Variants in MBP observed in about 807,000 individuals in gnomAD.
The protein encoded by MBP is Golli-MBP.
A neutral mutation model predicts 35.8 loss-of-function variants in MBP; 16 were observed. That is an observed-to-expected ratio of 0.45 (90% confidence interval 0.30 to 0.68). The LOEUF is 0.68. MBP is among the 30% of genes least tolerant of loss of function. The pLI is 0.08. For synonymous variants in MBP, 143 were observed against 159.6 expected (o/e 0.90, Z 0.78); for missense variants, 380 against 404.7 (o/e 0.94, Z 0.52).
intron 1 of MBP, among the ~76,000 whole-genome samples, chr18:77,120,118 T>C (rs562854500): frequency 6.6e-6 from 1 of 152,324 alleles, no homozygotes; most frequent in East Asian, 1.9e-4. Flanking sequence ...TCCCGCCTTG[T>C]CTCGGGTGAG....
At chr18:77,104,699 C>T (rs1281212177) in intron 2 of MBP, among the ~76,000 whole-genome samples, 1 of 152,074 alleles carries the variant, frequency 6.6e-6, no homozygotes, top group Non-Finnish European at 1.5e-5. Flanking sequence ...AGAGAGAATG[C>T]AGTTTGGAAA....
At chr18:77,005,158 C>T (rs1029580392) in intron 4 of MBP, 4 of 152,350 alleles carry the variant, frequency 2.6e-5, no homozygotes, top group Middle Eastern at 3.4e-3. Context: ...AGAGCTTTGA[C>T]GCCGGGTTCC....
chr18:76,983,337 G>GT (rs1395244170), intron 8 of MBP: 1 of 152,244 alleles, frequency 6.6e-6, no homozygotes, highest in African/African-American at 2.4e-5. Flanking sequence ...CAGTGAGGCT[G>GT]TGGCGGAGCG....
chr18:77,060,700 C>T (rs1207142036), intron 3 of MBP, among the ~76,000 whole-genome samples: 5 of 152,192 alleles, frequency 3.3e-5, no homozygotes, highest in African/African-American at 1.2e-4. Flanking sequence ...ATCCACCTGC[C>T]TCAGCCTCCC....
At chr18:77,015,368 G>A in intron 4 of MBP, 1 of 985,320 alleles carries the variant, frequency 1.0e-6, no homozygotes, top group Non-Finnish European at 1.2e-6. Context: ...CGCTTTATTG[G>A]GCAACCCGAA....
rs763352690 is a variant in MBP, at chr18:77,020,906, A to G, written c.140-3638T>C. On this transcript the variant is annotated intron_variant, in intron 3 of 8. Coordinates refer to ENST00000355994, the MANE Select transcript of MBP (RefSeq NM_001025101.2). This position sits in a 1 kb window ranked among gnomAD's most constrained non-coding sequence, Gnocchi z 4.1. ...GTGAACTCTTTTCTGCACAATTACT[A>G]AGAGGCAGGAAAGTCATAAAGACGT... Among the ~76,000 whole-genome samples the G allele has an allele frequency of 3.3e-5, 5 of 152,182 alleles. No individual in the cohort carries two copies. The highest frequency in any genetic ancestry group is 7.3e-5 in the Non-Finnish European group (5 of 68,038).
chr18:77,107,284 A>G (rs1157116354), intron 1 of MBP, among the ~76,000 whole-genome samples: 1 of 152,196 alleles, frequency 6.6e-6, no homozygotes, highest in African/African-American at 2.4e-5. Flanking sequence ...CCATCCAGAC[A>G]TAAATGAACC....
chr18:77,039,550 G>A (rs1337787738), intron 3 of MBP, among the ~76,000 whole-genome samples: 1 of 152,162 alleles, frequency 6.6e-6, no homozygotes, highest in Non-Finnish European at 1.5e-5. Context: ...AGCCCTCTGG[G>A]ATAATTTATG....
chr18:77,067,064 G>C (rs982494846), intron 2 of MBP, among the ~76,000 whole-genome samples: 1 of 152,254 alleles, frequency 6.6e-6, no homozygotes, highest in African/African-American at 2.4e-5. Context: ...CCAGTGCAGA[G>C]AGAAGACATG....
At chr18:77,015,753 C>T in intron 4 of MBP, 1 of 985,424 alleles carries the variant, frequency 1.0e-6, no homozygotes, top group Non-Finnish European at 1.2e-6. Context: ...CAGTTGGAGA[C>T]TAAAGCAAAT....
In MBP at chr18:76,979,932, G is replaced by A; in HGVS notation, c.*495C>T. ...GTCTAATCCTGTTAGGAAAAATGAA[G>A]TCTACTTTAGGAGGTGAGAGAAGGA... On this transcript the variant is annotated 3_prime_UTR_variant, in exon 9 of 9. Coordinates refer to ENST00000355994, the MANE Select transcript of MBP (RefSeq NM_001025101.2). 1 of 702,164 alleles carries A rather than the reference G, an allele frequency of 1.4e-6. No homozygotes were observed. The highest frequency in any genetic ancestry group is 2.6e-6 in the Non-Finnish European group (1 of 384,904). The allele number at this position is 702,164 out of a possible 1,614,324, so 43.5% of individuals were successfully genotyped here.
intron 3 of MBP, among the ~76,000 whole-genome samples, chr18:77,033,388 C>A (rs1972611945): frequency 6.6e-6 from 1 of 152,158 alleles, no homozygotes; most frequent in Non-Finnish European, 1.5e-5. Context: ...TGGAGCTCCC[C>A]CATGCATTGC....
chr18:76,987,855 A>G (rs1969646306), intron 7 of MBP: 1 of 1,036,318 alleles, frequency 9.6e-7, no homozygotes, highest in Non-Finnish European at 1.2e-6. Flanking sequence ...TTTTCACTAG[A>G]AAGTTCAAAT....
intron 2 of MBP, among the ~76,000 whole-genome samples, chr18:77,078,128 A>T (rs540184370): frequency 6.6e-6 from 1 of 152,344 alleles, no homozygotes; most frequent in South Asian, 2.1e-4. Context: ...GCTAATCCCA[A>T]ACCAACCCTC....
chr18:77,016,158 T>TTC, intron 4 of MBP: 11 of 984,830 alleles, frequency 1.1e-5, no homozygotes, highest in Non-Finnish European at 1.3e-5. Flanking sequence ...GCAGAGTTTT[T>TTC]TTTTTTTGTA....
At chr18:76,999,544 C>T (rs1344821720) in intron 4 of MBP, among the ~76,000 whole-genome samples, 1 of 151,782 alleles carries the variant, frequency 6.6e-6, no homozygotes, top group Non-Finnish European at 1.5e-5. Flanking sequence ...CAACCTCGCT[C>T]CTGGGTTCAA....
At chr18:77,025,964 C>T (rs1319988194) in intron 3 of MBP, among the ~76,000 whole-genome samples, 1 of 152,194 alleles carries the variant, frequency 6.6e-6, no homozygotes, top group Non-Finnish European at 1.5e-5. Flanking sequence ...TCTCCCCATG[C>T]CCTGCGGCAC....
intron 3 of MBP, among the ~76,000 whole-genome samples, chr18:77,051,788 C>G (rs926940870): frequency 2.6e-5 from 4 of 152,130 alleles, no homozygotes; most frequent in African/African-American, 9.7e-5. Flanking sequence ...GCGTGAAGAC[C>G]AGGGGTAGGA....
At chr18:76,998,057 G>T (rs1482685778) in intron 4 of MBP, among the ~76,000 whole-genome samples, 2 of 152,196 alleles carry the variant, frequency 1.3e-5, no homozygotes, top group East Asian at 3.9e-4. Flanking sequence ...CAATTTTTAA[G>T]TGTGCAATTC....
Sources: allele counts gnomAD v4.1 joint callset (sites outside exome capture counted in the v4.1 genomes callset), GRCh38; gene constraint gnomAD v4.1.1; non-coding constraint Gnocchi (gnomAD v3.1); transcripts MANE v1.5; gene names NCBI Gene and HGNC (gene_info 2026-07-23, HGNC 2026-07-21).